Variants in COX5A observed in about 807,000 individuals in gnomAD.
COX5A encodes cytochrome c oxidase subunit 5A, also known as cytochrome c oxidase subunit 5A, mitochondrial.
Under a neutral mutation model 16.1 loss-of-function variants are expected in COX5A, and 6 were observed. The ratio of observed to expected loss-of-function variants is 0.37; its 90% CI spans 0.20 to 0.73. The LOEUF (loss-of-function observed/expected upper bound fraction) is 0.73, where lower values mean the gene tolerates loss of function less well. Ranked by LOEUF, COX5A falls within the 30% of genes least tolerant of loss-of-function variation. The pLI is 0.50. For synonymous variants in COX5A, 73 were observed against 73.8 expected (o/e 0.99, Z 0.06); for missense variants, 159 against 194.9 (o/e 0.82, Z 1.10).
chr15:74,921,188 G>GTT (rs2065318082), intron 4 of COX5A, among the ~76,000 whole-genome samples: 1 of 145,202 alleles, frequency 6.9e-6, no homozygotes, highest in Non-Finnish European at 1.5e-5. Context: ...CAGGCAGATC[G>GTT]CGAAGTCAGG....
intron 1 of COX5A, among the ~76,000 whole-genome samples, chr15:74,936,291 C>CAAAACA (rs1342127752): frequency 3.3e-5 from 5 of 149,730 alleles, no homozygotes; most frequent in African/African-American, 1.2e-4. Context: ...CAAAACAAAA[C>CAAAACA]AAAACAAAAA....
intron 3 of COX5A, among the ~76,000 whole-genome samples, chr15:74,925,608 G>A (rs557773982): frequency 6.6e-6 from 1 of 151,900 alleles, no homozygotes; most frequent in South Asian, 2.1e-4. Flanking sequence ...GGCTGGTCTC[G>A]AACTCTTGAC....
At chr15:74,928,579 G>T (rs1367134702) in intron 2 of COX5A, among the ~76,000 whole-genome samples, 12 of 152,110 alleles carry the variant, frequency 7.9e-5, no homozygotes, top group Admixed American at 3.3e-4. Flanking sequence ...TAGAGACGGG[G>T]TTTCACCATG....
At chr15:74,926,915 C>A in intron 2 of COX5A, 28 bp from the exon 3 acceptor site, 2 of 1,603,316 alleles carry the variant, frequency 1.2e-6, no homozygotes, top group South Asian at 2.2e-5. Context: ...AGGGCCATGT[C>A]AACCTCGAAG....
chr15:74,937,900 A>C lies in COX5A; in HGVS notation c.100+15T>G, dbSNP rs1298845006. 6 of 1,228,006 alleles carry C rather than the reference A, an allele frequency of 4.9e-6. 1 individual carries two copies. Among genetic ancestry groups the C allele is most frequent in the Non-Finnish European group, 5.1e-6 (5 of 983,548 alleles). The allele number at this position is 1,228,006 out of a possible 1,614,324, so 76.1% of individuals were successfully genotyped here. Reference sequence around the variant, plus strand: ...AGGACACGAGGGCGCGGGCAGTGGCAAGCAGGGGCCTTACCCACGGCGGGG... The same window carrying C: ...AGGACACGAGGGCGCGGGCAGTGGCCAGCAGGGGCCTTACCCACGGCGGGG... On this transcript the variant is annotated intron_variant, in intron 1 of 4. Coordinates refer to ENST00000322347, the MANE Select transcript of COX5A (RefSeq NM_004255.4).
chr15:74,928,762 T>C (rs370525126), intron 2 of COX5A, among the ~76,000 whole-genome samples: 6 of 152,198 alleles, frequency 3.9e-5, no homozygotes, highest in African/African-American at 1.4e-4. Context: ...GGTTTTCAAT[T>C]AAGGGTGACT....
intron 2 of COX5A, 48 bp from the exon 3 acceptor site, chr15:74,926,935 T>TA: frequency 1.3e-6 from 2 of 1,587,468 alleles, no homozygotes; most frequent in Non-Finnish European, 1.7e-6. Flanking sequence ...GAGCCTCACT[T>TA]AAACTATGAG....
intron 3 of COX5A, among the ~76,000 whole-genome samples, chr15:74,924,316 A>C (rs544681782): frequency 6.6e-6 from 1 of 151,626 alleles, no homozygotes; most frequent in Non-Finnish European, 1.5e-5. Context: ...AGGCGGGTGG[A>C]TCACAAGGTC....
chr15:74,926,973 T>C (rs1237128269), intron 2 of COX5A, 86 bp from the exon 3 acceptor site: 3 of 1,430,400 alleles, frequency 2.1e-6, no homozygotes, highest in South Asian at 2.6e-5. Context: ...GAATCACTGA[T>C]GTATGATCTT....
intron 3 of COX5A, 101 bp downstream of exon 3, chr15:74,926,665 A>G: frequency 7.8e-7 from 1 of 1,279,564 alleles, no homozygotes; most frequent in Non-Finnish European, 1.1e-6. Context: ...ATAAGGACTC[A>G]TTTTAGGCAT....
Position 74,923,390 on chromosome 15 carries a change from G to A in COX5A, c.*9+258C>T, listed in dbSNP as rs559690963. ...GATTGCACCACTGCACTCCAGCCTG[G>A]GCAACAGAATAAGACTCCATCTCAA... On this transcript the variant is annotated intron_variant, in intron 4 of 4. Coordinates refer to ENST00000322347, the MANE Select transcript of COX5A (RefSeq NM_004255.4). Among the ~76,000 whole-genome samples the A allele has an allele frequency of 7.9e-5, 12 of 151,576 alleles. No homozygotes were observed. In the East Asian group the frequency reaches 2.3e-3, roughly 29 times the overall value.
intron 1 of COX5A, among the ~76,000 whole-genome samples, chr15:74,936,477 C>T (rs2065390605): frequency 6.6e-6 from 1 of 151,466 alleles, no homozygotes; most frequent in African/African-American, 2.4e-5. Flanking sequence ...CACCTGAGCC[C>T]AGGAGTTCAA....
At position 74,920,329 on chromosome 15, in the gene COX5A, T is replaced by G. The variant is rs1348675245; in HGVS notation, c.*123A>C. 2 of 676,740 alleles carry G rather than the reference T, an allele frequency of 3.0e-6. No homozygotes were observed. Among genetic ancestry groups the G allele is most frequent in the South Asian group, 3.3e-5 (2 of 59,892 alleles). The allele number at this position is 676,740 out of a possible 1,614,324, so 41.9% of individuals were successfully genotyped here. ...AAAGTCCAAGTTACCATTACATGGC[T>G]TGGTACTCAATAAAGGAAAACTTGT... On this transcript the variant is annotated 3_prime_UTR_variant, in exon 5 of 5. Coordinates refer to ENST00000322347, the MANE Select transcript of COX5A (RefSeq NM_004255.4).
intron 1 of COX5A, among the ~76,000 whole-genome samples, chr15:74,936,271 AAAAAC>A (rs538327866): frequency 0.012 from 1,812 of 151,830 alleles, 40 homozygotes; most frequent in Admixed American, 0.055. Flanking sequence ...TGTCTCAAGA[AAAAAC>A]AAAACAAAAC....
At chr15:74,932,975 C>A (rs983985932) in intron 1 of COX5A, among the ~76,000 whole-genome samples, 3 of 151,680 alleles carry the variant, frequency 2.0e-5, no homozygotes, top group Non-Finnish European at 4.4e-5. Flanking sequence ...GGATAACAGG[C>A]ATGAGCCACG....
intron 2 of COX5A, 26 bp from the exon 3 acceptor site, chr15:74,926,913 G>A (rs2065347043): frequency 1.2e-6 from 2 of 1,603,694 alleles, no homozygotes; most frequent in South Asian, 2.2e-5. Flanking sequence ...GAAGGGCCAT[G>A]TCAACCTCGA....
chr15:74,937,810 G>T, intron 1 of COX5A, 105 bp downstream of exon 1: 1 of 687,854 alleles, frequency 1.5e-6, no homozygotes, highest in Non-Finnish European at 2.0e-6. Flanking sequence ...AGTAACCAGG[G>T]TAGGGCAAGG....
chr15:74,935,281 C>A (rs763866016), intron 1 of COX5A, among the ~76,000 whole-genome samples: 2 of 151,046 alleles, frequency 1.3e-5, no homozygotes, highest in Admixed American at 1.3e-4. Flanking sequence ...CAGAGCGAGA[C>A]CCTGTCTCAA....
At chr15:74,926,032 ATTTTTTT>A (rs755631696) in intron 3 of COX5A, among the ~76,000 whole-genome samples, 8 of 107,664 alleles carry the variant, frequency 7.4e-5, no homozygotes, top group East Asian at 2.5e-4. Flanking sequence ...TGCCCAGCTA[ATTTTTTT>A]TTTTTTTTTT....
Sources: allele counts gnomAD v4.1 joint callset (sites outside exome capture counted in the v4.1 genomes callset), GRCh38; gene constraint gnomAD v4.1.1; transcripts MANE v1.5; gene names NCBI Gene and HGNC (gene_info 2026-07-23, HGNC 2026-07-21).